Variants in SVOP observed in about 807,000 individuals in gnomAD.
The protein encoded by SVOP is SV2 related protein, also known as synaptic vesicle 2-related protein.
In SVOP, 17 loss-of-function variants were observed where a neutral mutation model predicts 69.1. The ratio of observed to expected loss-of-function variants is 0.25; its 90% confidence interval spans 0.17 to 0.37. The LOEUF is 0.37. Ranked by LOEUF, SVOP falls within the 10% of genes least tolerant of loss-of-function variation. The pLI is 1.00. For synonymous variants in SVOP, 238 were observed against 238.6 expected (o/e 1.00, Z 0.02); for missense variants, 435 against 597.5 (o/e 0.73, Z 2.84).
intron 6 of SVOP, among the ~76,000 whole-genome samples, chr12:108,947,842 G>C (rs918393164): frequency 6.6e-6 from 1 of 152,184 alleles, no homozygotes; most frequent in African/African-American, 2.4e-5. Flanking sequence ...CCTCTTAAGG[G>C]GTGGGGGTTG....
chr12:108,994,267 G>A (rs368342106), intron 1 of SVOP, among the ~76,000 whole-genome samples: 9 of 152,314 alleles, frequency 5.9e-5, no homozygotes, highest in African/African-American at 2.2e-4. Context: ...GCCAAGGTGA[G>A]CAGATCATTT....
At chr12:109,007,105 G>A (rs555186825) in intron 1 of SVOP, among the ~76,000 whole-genome samples, 42 of 152,230 alleles carry the variant, frequency 2.8e-4, no homozygotes, top group Non-Finnish European at 5.9e-4. Flanking sequence ...TCATAGGGAG[G>A]CTCCTCTGCC....
chr12:108,939,042 G>A (rs1316745060), intron 8 of SVOP, 87 bp from the exon 9 acceptor site: 17 of 1,582,044 alleles, frequency 1.1e-5, no homozygotes, highest in Non-Finnish European at 1.5e-5. Flanking sequence ...TTGCATGTGG[G>A]GTCTTTAAGA....
intron 5 of SVOP, among the ~76,000 whole-genome samples, chr12:108,962,817 T>C (rs1263201972): frequency 1.3e-5 from 2 of 152,002 alleles, no homozygotes; most frequent in Non-Finnish European, 2.9e-5. Flanking sequence ...ATGCAAAAAT[T>C]AGCCAGGTGG....
In SVOP at chr12:108,919,769, A is replaced by G. The variant is rs1411546970; in HGVS notation, c.1174T>C (p.Trp392Arg). The part of the protein sequence containing the change: ...SEFPGVLVTL[W>R]IIDRLGRKKT... Reference sequence around the variant, plus strand: ...TTGCGCCCCAGGCGGTCAATAATCCACAGAGTCACAAGGACACCTGGAAGG... The same window carrying G: ...TTGCGCCCCAGGCGGTCAATAATCCGCAGAGTCACAAGGACACCTGGAAGG... The change falls in exon 13 of 16, where the codon TGG becomes CGG. Residue 392 changes from tryptophan (W) to arginine (R), a missense_variant. Trp to Arg is a moderately radical substitution (Grantham distance 101). Coordinates refer to ENST00000610966, the MANE Select transcript of SVOP (RefSeq NM_018711.5). 1 of 1,598,200 alleles carries G rather than the reference A, an allele frequency of 6.3e-7. No individual in the cohort carries two copies. The highest frequency in any genetic ancestry group is 1.7e-5 in the Admixed American group (1 of 57,536).
chr12:108,946,164 C>T (rs2039921722), intron 6 of SVOP, among the ~76,000 whole-genome samples: 1 of 152,118 alleles, frequency 6.6e-6, no homozygotes, highest in South Asian at 2.1e-4. Flanking sequence ...GTGATCATGG[C>T]TCACTGCAGC....
chr12:108,917,081 T>A (rs1391138279), intron 14 of SVOP, among the ~76,000 whole-genome samples: 2 of 152,222 alleles, frequency 1.3e-5, no homozygotes. Flanking sequence ...TGCTCTCGTA[T>A]CAAAACCCTC....
At chr12:109,016,850 C>T (rs1420895181) in intron 1 of SVOP, among the ~76,000 whole-genome samples, 2 of 151,814 alleles carry the variant, frequency 1.3e-5, no homozygotes, top group Non-Finnish European at 2.9e-5. Context: ...TCAAGCAATC[C>T]TCCTGCCTCA....
At chr12:108,990,014 G>A (rs755828796) in intron 1 of SVOP, among the ~76,000 whole-genome samples, 1 of 152,152 alleles carries the variant, frequency 6.6e-6, no homozygotes, top group African/African-American at 2.4e-5. Flanking sequence ...GGCTGCTCAG[G>A]TTACAGCAGT....
intron 6 of SVOP, among the ~76,000 whole-genome samples, chr12:108,956,110 C>T (rs888396529): frequency 3.3e-5 from 5 of 151,324 alleles, no homozygotes; most frequent in Non-Finnish European, 5.9e-5. Context: ...ACCATCCTGG[C>T]CAACATGGTG....
At chr12:108,946,492 G>A (rs545884743) in intron 6 of SVOP, among the ~76,000 whole-genome samples, 5 of 151,782 alleles carry the variant, frequency 3.3e-5, no homozygotes, top group South Asian at 2.1e-4. Context: ...TCCCCTCATC[G>A]TATCTGTCTA....
chr12:108,930,091 G>T (rs560099612), intron 11 of SVOP, among the ~76,000 whole-genome samples: 1 of 151,948 alleles, frequency 6.6e-6, no homozygotes, highest in African/African-American at 2.4e-5. Flanking sequence ...TGTTTTTTTC[G>T]AATGATTTTT....
At position 108,908,680 on chromosome 12, in the gene SVOP, G is replaced by C. The variant is rs1239284526; in HGVS notation, c.*3855C>G. ...TCTGTTCCTTAATTTTAATTATCCT[G>C]AGTAGAATTTCTGTTCCTGGCCACG... On this transcript the variant is annotated 3_prime_UTR_variant, in exon 16 of 16. Transcript: ENST00000610966. The C allele has an allele frequency of 6.6e-6, 1 of 152,150 alleles. No homozygotes were observed. Among genetic ancestry groups the C allele is most frequent in the East Asian group, 1.9e-4 (1 of 5,200 alleles). The allele number at this position is 152,150 out of a possible 1,614,324, so 9.4% of individuals were successfully genotyped here. A position where few individuals can be genotyped will look rare whatever the true frequency, so the allele number is the denominator to read the frequency against.
At chr12:109,006,074 A>C (rs894358784) in intron 1 of SVOP, among the ~76,000 whole-genome samples, 1 of 151,888 alleles carries the variant, frequency 6.6e-6, no homozygotes, top group East Asian at 1.9e-4. Context: ...TTGTTTGAGA[A>C]AGAGTCTCAC....
intron 12 of SVOP, 81 bp from the exon 13 acceptor site, chr12:108,919,867 T>A (rs1325425336): frequency 1.1e-6 from 1 of 936,804 alleles, no homozygotes; most frequent in African/African-American, 1.6e-5. Context: ...GCCTGTATCA[T>A]CCCCTCCCCT....
chr12:108,978,170 A>G (rs2040117344), intron 3 of SVOP, among the ~76,000 whole-genome samples: 2 of 152,166 alleles, frequency 1.3e-5, no homozygotes, highest in African/African-American at 2.4e-5. Flanking sequence ...AATTTCAAGT[A>G]TATTAAAGGT....
chr12:108,913,918 T>C (rs1310529949), intron 15 of SVOP, among the ~76,000 whole-genome samples: 1 of 152,236 alleles, frequency 6.6e-6, no homozygotes, highest in Non-Finnish European at 1.5e-5. Context: ...CCCAAAGTGC[T>C]GGGATTACAG....
intron 11 of SVOP, among the ~76,000 whole-genome samples, chr12:108,924,808 T>C (rs576214314): frequency 1.3e-5 from 2 of 152,324 alleles, no homozygotes; most frequent in Non-Finnish European, 1.5e-5. Flanking sequence ...CATATGTCCC[T>C]GAGTTGGTTT....
chr12:109,003,737 A>G (rs1471457520), intron 1 of SVOP, among the ~76,000 whole-genome samples: 1 of 152,126 alleles, frequency 6.6e-6, no homozygotes, highest in Non-Finnish European at 1.5e-5. Context: ...CTTCCACAGT[A>G]GCTAGGACTG....
Sources: gnomAD v4.1 joint callset for allele counts (sites outside exome capture counted in the v4.1 genomes callset) on GRCh38, gnomAD v4.1.1 for gene constraint, MANE v1.5 for transcripts, NCBI Gene and HGNC (gene_info 2026-07-23, HGNC 2026-07-21) for gene names.